The following CACHD1 variants were observed in gnomAD, a reference collection of about 807,000 sequenced individuals.
CACHD1 encodes VWFA and cache domain-containing protein 1.
In CACHD1, 71 loss-of-function variants were observed where a neutral mutation model predicts 138.7. That is an observed-to-expected ratio of 0.51 (90% CI 0.42 to 0.62). The LOEUF is 0.62. Ranked by LOEUF, CACHD1 falls within the 20% of genes least tolerant of loss-of-function variation. CACHD1 has a pLI of 0.00. For missense variants in CACHD1, 1,389 were observed against 1,625.3 expected (o/e 0.85, Z 2.50); for synonymous variants, 578 against 591.5 (o/e 0.98, Z 0.33).
At chr1:64,665,457 C>CA (rs559258520) in intron 15 of CACHD1, among the ~76,000 whole-genome samples, 10 of 151,410 alleles carry the variant, frequency 6.6e-5, no homozygotes, top group African/African-American at 2.4e-4. Context: ...GAGACCCTGT[C>CA]AAAAAACAAA....
chr1:64,685,927 A>G (rs1650356189), intron 26 of CACHD1, among the ~76,000 whole-genome samples: 1 of 152,142 alleles, frequency 6.6e-6, no homozygotes, highest in Admixed American at 6.5e-5. Context: ...CACGGTGCTC[A>G]GGGTTGACCT....
chr1:64,528,788 A>G (rs757201417), intron 1 of CACHD1, among the ~76,000 whole-genome samples: 225 of 152,200 alleles, frequency 1.5e-3, no homozygotes, highest in Non-Finnish European at 1.2e-3. Flanking sequence ...GAATTAGTGT[A>G]TTATTATTTA....
intron 13 of CACHD1, among the ~76,000 whole-genome samples, chr1:64,659,667 G>A (rs1649381189): frequency 6.6e-6 from 1 of 152,186 alleles, no homozygotes; most frequent in Admixed American, 6.5e-5. Context: ...GCTCTGCCAT[G>A]TGCCAGACAC....
chr1:64,557,807 A>G (rs986544690), intron 2 of CACHD1, among the ~76,000 whole-genome samples: 1 of 150,664 alleles, frequency 6.6e-6, no homozygotes, highest in Non-Finnish European at 1.5e-5. Flanking sequence ...TATTATTATT[A>G]TTATTTATTT....
intron 1 of CACHD1, among the ~76,000 whole-genome samples, chr1:64,536,833 T>C (rs1412998147): frequency 6.6e-6 from 1 of 152,230 alleles, no homozygotes; most frequent in African/African-American, 2.4e-5. Context: ...CTGTCTTAGC[T>C]GGTCATGCCA....
intron 9 of CACHD1, among the ~76,000 whole-genome samples, chr1:64,650,846 T>A (rs1283508589): frequency 6.6e-6 from 1 of 152,172 alleles, no homozygotes; most frequent in East Asian, 1.9e-4. Context: ...AGAGTTTTCT[T>A]TAGAGCCATA....
chr1:64,670,093 A>G (rs935324449), intron 16 of CACHD1, among the ~76,000 whole-genome samples: 5 of 152,198 alleles, frequency 3.3e-5, no homozygotes, highest in African/African-American at 1.2e-4. Context: ...CAGATCTAAG[A>G]AGGCAGTACA....
chr1:64,553,221 G>A (rs1646773044), intron 2 of CACHD1, among the ~76,000 whole-genome samples: 1 of 152,112 alleles, frequency 6.6e-6, no homozygotes, highest in South Asian at 2.1e-4. Context: ...TGAAAAATTT[G>A]CTATCACTTC....
intron 2 of CACHD1, among the ~76,000 whole-genome samples, chr1:64,575,853 G>A (rs1458399541): frequency 6.6e-6 from 1 of 152,048 alleles, no homozygotes; most frequent in East Asian, 1.9e-4. Flanking sequence ...CCAATCTTCT[G>A]AAGTATAAAG....
At chr1:64,617,946 G>A (rs960312824) in intron 4 of CACHD1, among the ~76,000 whole-genome samples, 1 of 152,084 alleles carries the variant, frequency 6.6e-6, no homozygotes, top group Admixed American at 6.6e-5. Flanking sequence ...CGGGTGTGGT[G>A]GCATGTGCCT....
intron 7 of CACHD1, among the ~76,000 whole-genome samples, chr1:64,636,757 G>A (rs925244712): frequency 2.2e-4 from 34 of 151,984 alleles, no homozygotes; most frequent in African/African-American, 7.3e-4. Context: ...GATTACTCTC[G>A]CTTGTGATTA....
chr1:64,545,325 C>T (rs146475790), intron 1 of CACHD1, among the ~76,000 whole-genome samples: 188 of 152,294 alleles, frequency 1.2e-3, no homozygotes, highest in Admixed American at 2.2e-3. Context: ...CATCAAGAAA[C>T]AGAAAATGTC....
chr1:64,598,512 G>A (rs1647178531), intron 3 of CACHD1, among the ~76,000 whole-genome samples: 1 of 152,142 alleles, frequency 6.6e-6, no homozygotes. Context: ...AAGAATTTAT[G>A]GAATGCCCCA....
intron 1 of CACHD1, among the ~76,000 whole-genome samples, chr1:64,474,258 TGGGAGCAGTAA>T (rs953793624): frequency 2.6e-5 from 4 of 152,180 alleles, no homozygotes; most frequent in African/African-American, 9.7e-5. Context: ...CATTGAGGTC[TGGGAGCAGTAA>T]GTGGCTGTGT....
chr1:64,644,221 A>G (rs920707783), intron 8 of CACHD1, among the ~76,000 whole-genome samples: 1 of 152,222 alleles, frequency 6.6e-6, no homozygotes. Context: ...TTTGTGTTGG[A>G]TTCTTTCATT....
intron 1 of CACHD1, among the ~76,000 whole-genome samples, chr1:64,519,695 T>TGATGTTTTAGTTGGTCTTATGACGAGCAC (rs1553128832): frequency 6.7e-6 from 1 of 150,306 alleles, no homozygotes; most frequent in Admixed American, 6.6e-5. Flanking sequence ...CCAAAAAACT[T>TGATGTTTTAGTTGGTCTTATGACGAGCAC]GATGTTTTAG....
chr1:64,481,527 G>T (rs947051619), intron 1 of CACHD1, among the ~76,000 whole-genome samples: 2 of 152,178 alleles, frequency 1.3e-5, no homozygotes, highest in East Asian at 1.9e-4. Flanking sequence ...CAGCTGTCCT[G>T]TGCAGATAAA....
intron 23 of CACHD1, among the ~76,000 whole-genome samples, chr1:64,679,205 A>C (rs1357254817): frequency 6.6e-6 from 1 of 152,136 alleles, no homozygotes; most frequent in Non-Finnish European, 1.5e-5. Flanking sequence ...TATTTATTGG[A>C]CCTGGTGCCT....
At chr1:64,691,242 AGT>A (rs1412802589) in intron 26 of CACHD1, 79 bp from the exon 27 acceptor site, 1 of 1,287,740 alleles carries the variant, frequency 7.8e-7, no homozygotes, top group East Asian at 2.3e-5. Flanking sequence ...AATACCTCCC[AGT>A]GCCCTAGAAA....
Sources: gnomAD v4.1 joint callset for allele counts (sites outside exome capture counted in the v4.1 genomes callset) on GRCh38, gnomAD v4.1.1 for gene constraint, MANE v1.5 for transcripts, NCBI Gene and HGNC (gene_info 2026-07-23, HGNC 2026-07-21) for gene names.